KYAT3: variants seen among roughly 807,000 people sequenced by gnomAD.
The protein encoded by KYAT3 is kynurenine aminotransferase 3.
Under a neutral mutation model 59.0 loss-of-function variants are expected in KYAT3, and 50 were observed. That is an observed-to-expected ratio of 0.85 (90% CI 0.68 to 1.07). KYAT3 has a LOEUF of 1.07. Among genes scored for constraint, KYAT3 ranks in the 50% least tolerant of loss-of-function variants. KYAT3 has a pLI of 0.00. For missense variants in KYAT3, 497 were observed against 533.3 expected (o/e 0.93, Z 0.67); for synonymous variants, 148 against 177.0 (o/e 0.84, Z 1.30).
chr1:88,968,599 A>T (rs985603781), intron 4 of KYAT3, 71 bp downstream of exon 4: 1 of 1,220,440 alleles, frequency 8.2e-7, no homozygotes, highest in African/African-American at 1.6e-5. Context: ...AGAAGGGCAC[A>T]TGCACACACA....
intron 2 of KYAT3, chr1:88,981,754 C>CT (rs1389560355): frequency 5.5e-6 from 1 of 182,120 alleles, no homozygotes; most frequent in East Asian, 1.9e-4. Context: ...CTTCAACCAT[C>CT]TTTGCTGTTT....
chr1:88,992,664 CG>C, upstream of KYAT3: 1 of 152,826 alleles, frequency 6.5e-6, no homozygotes, highest in Non-Finnish European at 1.5e-5. Context: ...GATTCGGACG[CG>C]GGGGGCGGAG....
At chr1:88,942,332 A>C in intron 13 of KYAT3, among the ~76,000 whole-genome samples, 1 of 151,924 alleles carries the variant, frequency 6.6e-6, no homozygotes, top group African/African-American at 2.4e-5. Context: ...TAATTTCTTA[A>C]ACATACTTCA....
At chr1:88,989,332 T>G (rs1017123742) in intron 1 of KYAT3, among the ~76,000 whole-genome samples, 8 of 152,210 alleles carry the variant, frequency 5.3e-5, no homozygotes, top group African/African-American at 1.9e-4. Context: ...AACCTATTAA[T>G]GTGATTCACC....
At chr1:88,956,129 T>C (rs1365967954) in intron 8 of KYAT3, among the ~76,000 whole-genome samples, 1 of 152,162 alleles carries the variant, frequency 6.6e-6, no homozygotes, top group African/African-American at 2.4e-5. Context: ...ACAGCCTTCT[T>C]GCACTTAGGA....
At chr1:88,953,042 C>A in intron 10 of KYAT3, 21 bp downstream of exon 10, 2 of 1,439,688 alleles carry the variant, frequency 1.4e-6, no homozygotes, top group South Asian at 1.1e-5. Flanking sequence ...TGCTTCTACC[C>A]TGAGTTACTA....
At chr1:88,958,762 G>A (rs6428488) in intron 8 of KYAT3, among the ~76,000 whole-genome samples, 4,949 of 152,248 alleles carry the variant, frequency 0.033, 243 homozygotes, top group African/African-American at 0.11. Context: ...CTAATTGTTG[G>A]ATTTCTTTTA....
rs889590729 is a variant in KYAT3 at position 88,983,989 on chromosome 1, G to A, written c.99+4263C>T. On this transcript the variant is annotated intron_variant, in intron 2 of 13. Transcript: ENST00000260508. ...CTGCGCAATCTGGATGCTTTTTAAG[G>A]TATGGCTATCCATTCAAAAAACCAG... The A allele has an allele frequency of 6.6e-6, 4 of 603,474 alleles. No individual in the cohort carries two copies. In the East Asian group the frequency reaches 1.1e-4, roughly 17 times the overall value. 37.4% of individuals were successfully genotyped at this position (603,474 alleles called of 1,614,324 possible).
At chr1:88,975,980 G>C (rs1021619220) in intron 2 of KYAT3, among the ~76,000 whole-genome samples, 16 of 152,076 alleles carry the variant, frequency 1.1e-4, no homozygotes, top group Non-Finnish European at 1.9e-4. Flanking sequence ...GTTGCAGTGA[G>C]CCGGGATCAT....
Position 88,943,495 on chromosome 1 carries a change from C to A in KYAT3, c.1142-72G>T, listed in dbSNP as rs1001077296. On this transcript the variant is annotated intron_variant, in intron 11 of 13. Transcript: ENST00000260508. ...CAACATGTATTTCATTTAAGTCTAT[C>A]AAGATTCAACATTTTCTCCTATTTA... 21 of 792,238 alleles carry A rather than the reference C, an allele frequency of 2.7e-5. No individual in the cohort carries two copies. In the African/African-American group the frequency reaches 3.0e-4, roughly 11 times the overall value. The allele number at this position is 792,238 out of a possible 1,614,324, so 49.1% of individuals were successfully genotyped here. A position where few individuals can be genotyped will look rare whatever the true frequency, so the allele number is the denominator to read the frequency against.
the KYAT3 span, among the ~76,000 whole-genome samples, chr1:88,922,808 G>C: frequency 4.6e-5 from 7 of 152,144 alleles, no homozygotes; most frequent in African/African-American, 1.4e-4. Context: ...CCTCAAATTG[G>C]CTTAAGACAT....
At chr1:88,955,104 A>C (rs1675853615) in intron 9 of KYAT3, 45 bp downstream of exon 9, 2 of 1,245,686 alleles carry the variant, frequency 1.6e-6, no homozygotes, top group Non-Finnish European at 1.2e-6. Context: ...AAAATAAATA[A>C]TATACAGGCC....
intron 4 of KYAT3, among the ~76,000 whole-genome samples, chr1:88,968,226 A>G (rs1570809524): frequency 6.6e-6 from 1 of 152,318 alleles, no homozygotes; most frequent in East Asian, 1.9e-4. Context: ...CTACAGTTCA[A>G]AGGTACGTCT....
Position 88,936,258 on chromosome 1 carries a change from G to A in KYAT3, c.1303-13C>T, listed in dbSNP as rs1201009969. ...GTGTGCTGTCTTTCTGTAAATTAAT[G>A]AAATAATCATCATTATTACAGATAT... is the stretch of plus-strand genomic sequence containing the variant. On this transcript the variant is annotated splice_polypyrimidine_tract_variant and intron_variant, in intron 13 of 13. Coordinates refer to ENST00000260508, the MANE Select transcript of KYAT3 (RefSeq NM_001008661.3). 6.4e-7 allele frequency: 1 copy of A among 1,566,164 alleles called. No individual in the cohort carries two copies. The highest frequency in any genetic ancestry group is 2.2e-5 in the East Asian group (1 of 44,530).
chr1:88,961,947 G>A (rs1676162566), intron 6 of KYAT3, 112 bp downstream of exon 6: 4 of 753,134 alleles, frequency 5.3e-6, no homozygotes, highest in Non-Finnish European at 9.2e-6. Flanking sequence ...AGATATACAG[G>A]AAATCTCCAA....
At chr1:88,949,770 A>G (rs1053777230) in intron 10 of KYAT3, among the ~76,000 whole-genome samples, 1 of 152,216 alleles carries the variant, frequency 6.6e-6, no homozygotes, top group Non-Finnish European at 1.5e-5. Context: ...TATGCCAGGA[A>G]GTTGGTCAAA....
At chr1:88,954,943 A>G (rs953482718) in intron 9 of KYAT3, among the ~76,000 whole-genome samples, 3 of 152,064 alleles carry the variant, frequency 2.0e-5, no homozygotes, top group Non-Finnish European at 2.9e-5. Context: ...TAAAAAATGT[A>G]TTTGTAGAGA....
intron 2 of KYAT3, among the ~76,000 whole-genome samples, chr1:88,978,219 C>T (rs1273042827): frequency 6.6e-6 from 1 of 152,180 alleles, no homozygotes; most frequent in Non-Finnish European, 1.5e-5. Context: ...TTTGTTTAAA[C>T]ACAGATCTTA....
rs1041610250 is a variant in KYAT3, at chr1:88,969,440, T to C, written c.127A>G (p.Lys43Glu). 6.3e-7 allele frequency: 1 copy of C among 1,582,370 alleles called. No homozygotes were observed. The highest frequency in any genetic ancestry group is 8.7e-7 in the Non-Finnish European group (1 of 1,152,830). Residue 43 changes from lysine to glutamate, a missense_variant, in exon 3 of 14, where the codon AAA becomes GAA. By Grantham distance (56) the Lys-to-Glu change is moderately conservative. Coordinates refer to ENST00000260508, the MANE Select transcript of KYAT3 (RefSeq NM_001008661.3). ...AKMSLKFTNA[K>E]RIEGLDSNVW... ...TTACTATCAAGTCCTTCAATCCGTT[T>C]TGCATTTGTGAATTTCAGTGACATT... is the stretch of plus-strand genomic sequence containing the variant.
Sources: gnomAD v4.1 joint callset for allele counts (sites outside exome capture counted in the v4.1 genomes callset) on GRCh38, gnomAD v4.1.1 for gene constraint, MANE v1.5 for transcripts, NCBI Gene and HGNC (gene_info 2026-07-23, HGNC 2026-07-21) for gene names.